The following DGKB variants were observed in gnomAD, a reference collection of about 807,000 sequenced individuals.
DGKB encodes diacylglycerol kinase beta.
A neutral mutation model predicts 114.3 loss-of-function variants in DGKB; 67 were observed. The ratio of observed to expected loss-of-function variants is 0.59; its 90% CI spans 0.48 to 0.72. The LOEUF (loss-of-function observed/expected upper bound fraction) is 0.72. DGKB is among the 30% of genes least tolerant of loss of function. DGKB has a pLI of 0.00. For synonymous variants in DGKB, 398 were observed against 323.1 expected, an observed-to-expected ratio of 1.23 and a Z score of -2.49; for missense variants, 907 against 975.2, an observed-to-expected ratio of 0.93 and a Z score of 0.93.
chr7:14,512,867 A>C (rs1433972511), intron 20 of DGKB, among the ~76,000 whole-genome samples: 1 of 152,110 alleles, frequency 6.6e-6, no homozygotes, highest in African/African-American at 2.4e-5. Context: ...ATTTGAACTA[A>C]ACGAGGAGGT....
intron 20 of DGKB, among the ~76,000 whole-genome samples, chr7:14,501,312 A>G (rs1017649480): frequency 6.6e-6 from 1 of 151,920 alleles, no homozygotes; most frequent in Non-Finnish European, 1.5e-5. Context: ...AGTGTCCCAA[A>G]GTAGCATCTC....
intron 20 of DGKB, among the ~76,000 whole-genome samples, chr7:14,506,427 A>T (rs577695742): frequency 9.8e-5 from 15 of 152,300 alleles, no homozygotes; most frequent in African/African-American, 3.6e-4. Flanking sequence ...AACATTTATT[A>T]AAAAAAGGTA....
chr7:14,609,919 G>T (rs1201713623), intron 16 of DGKB, among the ~76,000 whole-genome samples: 1 of 152,086 alleles, frequency 6.6e-6, no homozygotes, highest in Non-Finnish European at 1.5e-5. Context: ...CTATGCTGTT[G>T]TTGTGAATGT....
At chr7:14,943,387 G>A (rs973143017) in intron 1 of DGKB, among the ~76,000 whole-genome samples, 1 of 151,788 alleles carries the variant, frequency 6.6e-6, no homozygotes, top group Non-Finnish European at 1.5e-5. Flanking sequence ...CAAACGAAGT[G>A]TACAATAGAT....
At chr7:14,740,435 A>G (rs1832414481) in intron 4 of DGKB, among the ~76,000 whole-genome samples, 1 of 152,126 alleles carries the variant, frequency 6.6e-6, no homozygotes, top group Non-Finnish European at 1.5e-5. Context: ...CAGGACTCCA[A>G]TTCACAGGAC....
intron 5 of DGKB, among the ~76,000 whole-genome samples, chr7:14,721,800 A>G (rs962489310): frequency 1.3e-5 from 2 of 152,134 alleles, no homozygotes; most frequent in African/African-American, 4.8e-5. Flanking sequence ...AATGTCAAAG[A>G]CCTTTTATTA....
intron 13 of DGKB, among the ~76,000 whole-genome samples, chr7:14,633,110 T>C (rs1810059380): frequency 6.6e-6 from 1 of 151,956 alleles, no homozygotes; most frequent in South Asian, 2.1e-4. Flanking sequence ...ATGGATAACA[T>C]ACTTGAAGTC....
chr7:14,710,782 T>C (rs1434744700), intron 6 of DGKB, among the ~76,000 whole-genome samples: 1 of 152,142 alleles, frequency 6.6e-6, no homozygotes, highest in Non-Finnish European at 1.5e-5. Flanking sequence ...TTTATTCTCT[T>C]AATGTGGCAT....
At chr7:14,535,739 C>CA (rs976291452) in intron 20 of DGKB, among the ~76,000 whole-genome samples, 51 of 152,202 alleles carry the variant, frequency 3.4e-4, no homozygotes, top group Middle Eastern at 6.8e-3. Flanking sequence ...AGGCACCCGC[C>CA]ACCACGCCCA....
At chr7:14,503,208 AT>A (rs1397572945) in intron 20 of DGKB, among the ~76,000 whole-genome samples, 1 of 152,062 alleles carries the variant, frequency 6.6e-6, no homozygotes, top group Non-Finnish European at 1.5e-5. Flanking sequence ...CCTGATATTA[AT>A]TTTTCTTACA....
chr7:14,201,891 T>C (rs1293687193), intron 23 of DGKB, among the ~76,000 whole-genome samples: 2 of 152,014 alleles, frequency 1.3e-5, no homozygotes, highest in Non-Finnish European at 2.9e-5. Flanking sequence ...TCAATAAGCA[T>C]ACGTTGAATT....
intron 9 of DGKB, among the ~76,000 whole-genome samples, chr7:14,688,591 T>C (rs982180525): frequency 6.6e-6 from 1 of 152,208 alleles, no homozygotes; most frequent in Non-Finnish European, 1.5e-5. Context: ...TGTGCTCTTT[T>C]TTCATCACCA....
chr7:14,965,363 G>A (rs557481306), intron 1 of DGKB, among the ~76,000 whole-genome samples: 1 of 152,108 alleles, frequency 6.6e-6, no homozygotes, highest in Non-Finnish European at 1.5e-5. Flanking sequence ...ACGAGGAGGG[G>A]AATAGTTTTT....
At chr7:14,897,425 T>C (rs1031112802) in intron 1 of DGKB, among the ~76,000 whole-genome samples, 12 of 151,934 alleles carry the variant, frequency 7.9e-5, no homozygotes, top group South Asian at 2.1e-4. Context: ...TGAGCTATGA[T>C]TGAATTAAAA....
At chr7:14,909,234 C>G (rs967110255) in intron 1 of DGKB, among the ~76,000 whole-genome samples, 1 of 152,060 alleles carries the variant, frequency 6.6e-6, no homozygotes, top group African/African-American at 2.4e-5. Flanking sequence ...AAAGCCAATT[C>G]GTTTCATCCT....
chr7:14,729,534 A>T (rs1830609847), intron 5 of DGKB, among the ~76,000 whole-genome samples: 1 of 152,200 alleles, frequency 6.6e-6, no homozygotes, highest in South Asian at 2.1e-4. Context: ...ATGGGACATT[A>T]AAAAATTTTT....
At chr7:14,272,190 C>G (rs577693887) in intron 23 of DGKB, among the ~76,000 whole-genome samples, 42 of 152,078 alleles carry the variant, frequency 2.8e-4, no homozygotes, top group Admixed American at 2.6e-4. Context: ...TGCAAGATGA[C>G]AGTGTATTTA....
intron 1 of DGKB, among the ~76,000 whole-genome samples, chr7:14,922,380 G>GTGTGTA (rs1554345685): frequency 4.6e-5 from 4 of 87,004 alleles, no homozygotes; most frequent in African/African-American, 1.6e-4. Context: ...TCCATCGTGT[G>GTGTGTA]TGTGTGTGTG....
chr7:14,747,373 T>A (rs1033542886), intron 4 of DGKB, among the ~76,000 whole-genome samples: 6 of 151,622 alleles, frequency 4.0e-5, no homozygotes, highest in Non-Finnish European at 7.4e-5. Flanking sequence ...TTTTTTTTTT[T>A]AATTTTCTAA....
Sources: allele counts gnomAD v4.1 joint callset (sites outside exome capture counted in the v4.1 genomes callset), GRCh38; gene constraint gnomAD v4.1.1; transcripts MANE v1.5; gene names NCBI Gene and HGNC (gene_info 2026-07-23, HGNC 2026-07-21).